TIAM2: variants seen among roughly 807,000 people sequenced by gnomAD.
TIAM2 encodes rho guanine nucleotide exchange factor TIAM2.
A neutral mutation model predicts 152.9 loss-of-function variants in TIAM2; 80 were observed. The observed-to-expected ratio is 0.52, with a 90% CI of 0.44 to 0.63. The LOEUF is 0.63. Ranked by LOEUF, TIAM2 falls within the 30% of genes least tolerant of loss-of-function variation. TIAM2 has a pLI of 0.00. For synonymous variants in TIAM2, 804 were observed against 838.0 expected (o/e 0.96, Z 0.70); for missense variants, 1,965 against 2,120.1 (o/e 0.93, Z 1.44).
chr6:155,223,824 G>A (rs1402330370), intron 15 of TIAM2, among the ~76,000 whole-genome samples: 6 of 152,140 alleles, frequency 3.9e-5, no homozygotes, highest in Non-Finnish European at 8.8e-5. Flanking sequence ...CGGCAAGGGC[G>A]TTGCCAGTGA....
chr6:155,061,990 G>T (rs1229473192), intron 1 of TIAM2, among the ~76,000 whole-genome samples: 1 of 152,034 alleles, frequency 6.6e-6, no homozygotes, highest in Non-Finnish European at 1.5e-5. Flanking sequence ...TTTGTCCCTA[G>T]AATTGTGTCT....
chr6:155,241,245 C>T (rs1371791779), intron 16 of TIAM2, among the ~76,000 whole-genome samples: 1 of 152,200 alleles, frequency 6.6e-6, no homozygotes, highest in African/African-American at 2.4e-5. Flanking sequence ...CCGAAGAATT[C>T]ATTTATCCAT....
At position 155,021,387 on chromosome 6, in the gene TIAM2, G is replaced by A. The variant is rs757193594; in HGVS notation, c.-209+25895G>A. Among the ~76,000 whole-genome samples, 9 of 152,002 alleles carry A rather than the reference G, an allele frequency of 5.9e-5. No individual in the cohort carries two copies. The Middle Eastern group carries it at 0.01, about 172-fold the overall frequency. ...ATCGATTCTGCTGCCTCAGCCTCCCGAGTAGCTGGGATTGCAGACGCCTGC... is the reference window on the plus strand; with the variant it reads ...ATCGATTCTGCTGCCTCAGCCTCCCAAGTAGCTGGGATTGCAGACGCCTGC... On this transcript the variant is annotated intron_variant, in intron 1 of 26. Transcript: ENST00000682666.
At chr6:155,055,475 T>C (rs1777425045) in intron 1 of TIAM2, among the ~76,000 whole-genome samples, 1 of 152,234 alleles carries the variant, frequency 6.6e-6, no homozygotes, top group Admixed American at 6.5e-5. Flanking sequence ...CATTAAAATA[T>C]TGACTTCTTG....
intron 2 of TIAM2, among the ~76,000 whole-genome samples, chr6:155,118,727 G>T (rs115209885): frequency 1.3e-5 from 2 of 151,610 alleles, no homozygotes; most frequent in African/African-American, 4.8e-5. Context: ...GAGCCACCGC[G>T]CACGGCCTTC....
chr6:154,999,101 T>C (rs1460350446), intron 1 of TIAM2, among the ~76,000 whole-genome samples: 2 of 152,126 alleles, frequency 1.3e-5, no homozygotes, highest in Non-Finnish European at 2.9e-5. Flanking sequence ...TTGGCCCATG[T>C]GTTTGTATTT....
intron 16 of TIAM2, among the ~76,000 whole-genome samples, chr6:155,241,946 TGA>T (rs930388663): frequency 2.0e-5 from 3 of 152,200 alleles, no homozygotes; most frequent in African/African-American, 7.2e-5. Context: ...AGGGCAGAGT[TGA>T]GAGGAGAATC....
chr6:155,210,548 G>T (rs1374052785), intron 14 of TIAM2, among the ~76,000 whole-genome samples: 1 of 151,966 alleles, frequency 6.6e-6, no homozygotes, highest in Non-Finnish European at 1.5e-5. Context: ...TGTTGCCCAG[G>T]GTGGTCTCGA....
At chr6:155,253,341 G>A in intron 24 of TIAM2, 1 of 372,404 alleles carries the variant, frequency 2.7e-6, no homozygotes, top group South Asian at 5.8e-5. Context: ...AAATGTGTTA[G>A]AAGAACAAAG....
chr6:155,243,937 G>T, intron 16 of TIAM2, 74 bp from the exon 17 acceptor site: 1 of 1,223,626 alleles, frequency 8.2e-7, no homozygotes, highest in Non-Finnish European at 1.2e-6. Context: ...CTGCTGCCAG[G>T]TTGCTGCTAC....
In TIAM2 at chr6:155,127,603, A is replaced by C. The variant is rs759979351; in HGVS notation, c.-7+3A>C. On this transcript the variant is annotated splice_donor_region_variant and intron_variant, in intron 3 of 26. Transcript: ENST00000682666. ...TCACAGCAGAAACTAGACGTCAGGT[A>C]AACCCAACCCTTGTGCCTGGGGGTC... 3 of 455,976 alleles carry C rather than the reference A, an allele frequency of 6.6e-6. No individual in the cohort carries two copies. Among genetic ancestry groups the C allele is most frequent in the Non-Finnish European group, 1.3e-5 (3 of 226,816 alleles). The allele number at this position is 455,976 out of a possible 1,614,324, so 28.2% of individuals were successfully genotyped here. A position where few individuals can be genotyped will look rare whatever the true frequency, so the allele number is the denominator to read the frequency against.
chr6:155,176,836 A>G lies in TIAM2; in HGVS notation c.2382A>G (p.Ile794Met), dbSNP rs766043230. Residue 794 changes from isoleucine (I) to methionine (M), a missense_variant, in exon 10 of 27, where the codon ATA becomes ATG. Transcript: ENST00000682666. ...AACAGGTCGATGAACTTCTGCATAT[A>G]TATGGTTCAACAGTAGACGGTGTTC... is the stretch of plus-strand genomic sequence containing the variant. ...SITQVDELLH[I>M]YGSTVDGVPR... 4 of 1,612,616 alleles carry G rather than the reference A, an allele frequency of 2.5e-6. No individual in the cohort carries two copies. Among genetic ancestry groups the G allele is most frequent in the Non-Finnish European group, 2.5e-6 (3 of 1,179,536 alleles).
At chr6:155,085,003 GATA>G (rs1778146703) in intron 1 of TIAM2, among the ~76,000 whole-genome samples, 1 of 152,092 alleles carries the variant, frequency 6.6e-6, no homozygotes, top group South Asian at 2.1e-4. Context: ...TGAGTGATGA[GATA>G]ATAAGTAATC....
chr6:155,254,714 A>G (rs976301082), intron 26 of TIAM2, 141 bp downstream of exon 26: 5 of 1,073,358 alleles, frequency 4.7e-6, no homozygotes, highest in Non-Finnish European at 6.6e-6. Context: ...AAACCTAAAC[A>G]TGCCTCTTGC....
chr6:155,160,520 A>C (rs902494313), intron 7 of TIAM2, among the ~76,000 whole-genome samples: 1 of 152,188 alleles, frequency 6.6e-6, no homozygotes, highest in African/African-American at 2.4e-5. Flanking sequence ...GTTGGTACAT[A>C]ATATTAACCA....
intron 1 of TIAM2, among the ~76,000 whole-genome samples, chr6:155,078,001 G>A (rs1777993501): frequency 6.6e-6 from 1 of 152,130 alleles, no homozygotes; most frequent in Non-Finnish European, 1.5e-5. Flanking sequence ...GATTAATGGT[G>A]ACAGTCTAGT....
intron 15 of TIAM2, among the ~76,000 whole-genome samples, chr6:155,233,063 T>G (rs1782561264): frequency 6.6e-6 from 1 of 152,198 alleles, no homozygotes; most frequent in Non-Finnish European, 1.5e-5. Context: ...AGCTGCACCC[T>G]GAGCCAGGAA....
At chr6:155,018,834 T>C (rs1776401910) in intron 1 of TIAM2, among the ~76,000 whole-genome samples, 2 of 131,508 alleles carry the variant, frequency 1.5e-5, no homozygotes, top group Admixed American at 8.3e-5. Flanking sequence ...AGGTCACGAG[T>C]TCGACATCAG....
intron 1 of TIAM2, among the ~76,000 whole-genome samples, chr6:155,055,080 A>G (rs542144377): frequency 2.0e-5 from 3 of 152,132 alleles, no homozygotes; most frequent in Non-Finnish European, 4.4e-5. Context: ...CATTTCCTTC[A>G]CTTGGGGAGT....
Sources: allele counts gnomAD v4.1 joint callset (sites outside exome capture counted in the v4.1 genomes callset), GRCh38; gene constraint gnomAD v4.1.1; transcripts MANE v1.5; gene names NCBI Gene and HGNC (gene_info 2026-07-23, HGNC 2026-07-21).